The following RFX7 variants were observed in gnomAD, a reference collection of about 807,000 sequenced individuals.
RFX7 encodes regulatory factor X7.
A neutral mutation model predicts 111.8 loss-of-function variants in RFX7; 26 were observed. That is an observed-to-expected ratio of 0.23 (90% CI 0.17 to 0.32). The LOEUF is 0.32. RFX7 is among the 10% of genes least tolerant of loss of function. The pLI, the probability that RFX7 is intolerant of heterozygous loss-of-function variation, is 1.00. For missense variants in RFX7, 1,573 were observed against 1,772.9 expected (o/e 0.89, Z 2.02); for synonymous variants, 624 against 624.4 (o/e 1.00, Z 0.01).
At chr15:56,132,559 C>T (rs1360235286) in intron 5 of RFX7, among the ~76,000 whole-genome samples, 1 of 151,718 alleles carries the variant, frequency 6.6e-6, no homozygotes, top group Non-Finnish European at 1.5e-5. Context: ...AGACTCAAGG[C>T]TTATATATAA....
intron 5 of RFX7, among the ~76,000 whole-genome samples, chr15:56,128,584 C>T (rs529428820): frequency 6.6e-6 from 1 of 152,106 alleles, no homozygotes; most frequent in Admixed American, 6.5e-5. Context: ...TCGATAAAAA[C>T]CCACAGATAA....
At chr15:56,119,564 G>A (rs2042048841) in intron 5 of RFX7, among the ~76,000 whole-genome samples, 1 of 151,944 alleles carries the variant, frequency 6.6e-6, no homozygotes, top group Non-Finnish European at 1.5e-5. Context: ...GTCAAATGGG[G>A]TCAGGAGTTC....
chr15:56,228,109 G>GT (rs1307869616), intron 2 of RFX7, among the ~76,000 whole-genome samples: 2 of 151,758 alleles, frequency 1.3e-5, no homozygotes, highest in African/African-American at 2.4e-5. Context: ...AGGTACAGTG[G>GT]TTTTTTTCTC....
At chr15:56,214,584 G>A (rs1262911222) in intron 2 of RFX7, among the ~76,000 whole-genome samples, 2 of 151,808 alleles carry the variant, frequency 1.3e-5, no homozygotes, top group African/African-American at 4.8e-5. Context: ...GCGCGGTGGC[G>A]GGCGCCTGTA....
chr15:56,197,054 T>A (rs1292641168), intron 2 of RFX7, among the ~76,000 whole-genome samples: 1 of 152,172 alleles, frequency 6.6e-6, no homozygotes, highest in Non-Finnish European at 1.5e-5. Context: ...CTCTCCAAAA[T>A]TGGTAATGAC....
Position 56,088,090 on chromosome 15 carries a change from C to A in RFX7, c.*5255G>T. The A allele has an allele frequency of 4.6e-6, 1 of 216,660 alleles. No individual in the cohort carries two copies. The highest frequency in any genetic ancestry group is 5.4e-5 in the South Asian group (1 of 18,450). 13.4% of individuals were successfully genotyped at this position (216,660 alleles called of 1,614,324 possible). A position where few individuals can be genotyped will look rare whatever the true frequency, so the allele number is the denominator to read the frequency against. Reference sequence around the variant, plus strand: ...AATAAAAATGAAAAAGAATTGTTGACATATAAGGATGGGAGGTTAAATAAA... The same window carrying A: ...AATAAAAATGAAAAAGAATTGTTGAAATATAAGGATGGGAGGTTAAATAAA... On this transcript the variant is annotated 3_prime_UTR_variant, in exon 10 of 10. Transcript: ENST00000559447.
chr15:56,232,301 C>T (rs2043568615), intron 2 of RFX7, among the ~76,000 whole-genome samples: 2 of 152,198 alleles, frequency 1.3e-5, no homozygotes, highest in Admixed American at 6.5e-5. Context: ...CAGCTGTTTC[C>T]ATACATCCTC....
At chr15:56,162,867 T>A (rs2141089357) in intron 3 of RFX7, among the ~76,000 whole-genome samples, 1 of 152,232 alleles carries the variant, frequency 6.6e-6, no homozygotes, top group East Asian at 1.9e-4. Flanking sequence ...TGCACAGACA[T>A]GCTCTTCATT....
chr15:56,100,410 G>T (rs1415208468), intron 8 of RFX7, among the ~76,000 whole-genome samples: 2 of 152,126 alleles, frequency 1.3e-5, no homozygotes. Flanking sequence ...ACCACAAAAG[G>T]AGAGGTTACA....
At chr15:56,241,878 G>A (rs1278974805) in intron 2 of RFX7, among the ~76,000 whole-genome samples, 1 of 152,146 alleles carries the variant, frequency 6.6e-6, no homozygotes, top group African/African-American at 2.4e-5. Flanking sequence ...AACTACTGTT[G>A]ATGAAACTAT....
At chr15:56,155,624 G>A (rs147409043) in intron 3 of RFX7, among the ~76,000 whole-genome samples, 6 of 152,268 alleles carry the variant, frequency 3.9e-5, no homozygotes, top group African/African-American at 1.4e-4. Flanking sequence ...GCGGGTGTGG[G>A]GCTAGGGGAG....
At chr15:56,239,984 C>CTTTTTTTTTTTTTT (rs5812831) in intron 2 of RFX7, among the ~76,000 whole-genome samples, 1 of 120,928 alleles carries the variant, frequency 8.3e-6, no homozygotes, top group Non-Finnish European at 1.7e-5. Flanking sequence ...TTTGGTATTT[C>CTTTTTTTTTTTTTT]TTTTTTTTTT....
In RFX7 at chr15:56,090,904, TAAACATCA is replaced by T. The variant is rs1281017553; in HGVS notation, c.*2433_*2440del. The T allele has an allele frequency of 6.6e-6, 1 of 152,588 alleles. No homozygotes were observed. Among genetic ancestry groups the T allele is most frequent in the Non-Finnish European group, 1.5e-5 (1 of 68,000 alleles). The allele number at this position is 152,588 out of a possible 1,614,324, so 9.5% of individuals were successfully genotyped here. A position where few individuals can be genotyped will look rare whatever the true frequency, so the allele number is the denominator to read the frequency against. On this transcript the variant is annotated 3_prime_UTR_variant, in exon 10 of 10. Coordinates refer to ENST00000559447, the MANE Select transcript of RFX7 (RefSeq NM_022841.7). ...ATGATAAACAGTATGCAAAATGTTTTAAACATCAAAACAATAAAAATAATCTGGAACAG... is the reference window on the plus strand; with the variant it reads ...ATGATAAACAGTATGCAAAATGTTTTAAACAATAAAAATAATCTGGAACAG...
At chr15:56,227,528 A>AT (rs1188391213) in intron 2 of RFX7, among the ~76,000 whole-genome samples, 1 of 151,888 alleles carries the variant, frequency 6.6e-6, no homozygotes, top group East Asian at 1.9e-4. Flanking sequence ...TTATTAACAA[A>AT]TTTTTTTTAT....
upstream of RFX7, chr15:56,244,076 G>C (rs1173032408): frequency 6.6e-6 from 1 of 151,696 alleles, no homozygotes; most frequent in Non-Finnish European, 1.5e-5. Context: ...AGGAAAACGT[G>C]GGGGAGGTGC....
At position 56,092,525 on chromosome 15, in the gene RFX7, AAAT is replaced by A. The variant is rs1355780807; in HGVS notation, c.*817_*819del. 4.6e-5 allele frequency: 7 copies of A among 152,222 alleles called. No homozygotes were observed. Among genetic ancestry groups the A allele is most frequent in the Non-Finnish European group, 1.0e-4 (7 of 68,018 alleles). 9.4% of individuals were successfully genotyped at this position (152,222 alleles called of 1,614,324 possible). On this transcript the variant is annotated 3_prime_UTR_variant, in exon 10 of 10. Transcript: ENST00000559447. ...TTCCTTCTCATTCCCCTAACTTAAC[AAAT>A]AATAAGACATAAAGCATTTTTCTAA...
chr15:56,211,343 A>G (rs1321985428), intron 2 of RFX7, among the ~76,000 whole-genome samples: 2 of 152,294 alleles, frequency 1.3e-5, no homozygotes, highest in South Asian at 2.1e-4. Flanking sequence ...GTGAATATCC[A>G]TATGCAAAAA....
chr15:56,111,714 C>T lies in RFX7; in HGVS notation c.402-8044G>A, dbSNP rs530290300. On this transcript the variant is annotated intron_variant, in intron 5 of 9. Coordinates refer to ENST00000559447, the MANE Select transcript of RFX7 (RefSeq NM_022841.7). The stretch of plus-strand genomic sequence containing the variant: ...ACAATACCAGGGCATAGGCCCCACC[C>T]TAAAACCATTAAATCAGAATCAGAA... Among the ~76,000 whole-genome samples, 3 of 150,780 alleles carry T rather than the reference C, an allele frequency of 2.0e-5. No individual in the cohort carries two copies. The South Asian group carries it at 6.3e-4, about 32-fold the overall frequency.
At chr15:56,202,309 T>A (rs1274300132) in intron 2 of RFX7, among the ~76,000 whole-genome samples, 2 of 152,232 alleles carry the variant, frequency 1.3e-5, no homozygotes, top group African/African-American at 4.8e-5. Context: ...AATATTAACA[T>A]TTTGATATGC....
Sources: allele counts gnomAD v4.1 joint callset (sites outside exome capture counted in the v4.1 genomes callset), GRCh38; gene constraint gnomAD v4.1.1; transcripts MANE v1.5; gene names NCBI Gene and HGNC (gene_info 2026-07-23, HGNC 2026-07-21).